The following C1GALT1 variants were observed in gnomAD, a reference collection of about 807,000 sequenced individuals.
C1GALT1 encodes core 1 synthase, glycoprotein-N-acetylgalactosamine 3-beta-galactosyltransferase 1, also known as glycoprotein-N-acetylgalactosamine 3-beta-galactosyltransferase 1.
In C1GALT1, 11 loss-of-function variants were observed where a neutral mutation model predicts 31.0. The observed-to-expected ratio is 0.36, with a 90% CI of 0.22 to 0.59. C1GALT1 has a LOEUF of 0.59. Among genes scored for constraint, C1GALT1 ranks in the 20% least tolerant of loss-of-function variants. The pLI, the probability that C1GALT1 is intolerant of heterozygous loss-of-function variation, is 0.79. For synonymous variants in C1GALT1, 175 were observed against 143.6 expected (o/e 1.22, Z -1.56); for missense variants, 424 against 425.2 (o/e 1.00, Z 0.03).
At chr7:7,186,114 G>A (rs967452561) in intron 1 of C1GALT1, among the ~76,000 whole-genome samples, 1 of 151,746 alleles carries the variant, frequency 6.6e-6, no homozygotes, top group East Asian at 2.0e-4. Context: ...GCACCACATG[G>A]TGAGGGGGCC....
At chr7:7,203,826 G>C (rs368770833) in intron 1 of C1GALT1, among the ~76,000 whole-genome samples, 1 of 151,870 alleles carries the variant, frequency 6.6e-6, no homozygotes, top group Non-Finnish European at 1.5e-5. Context: ...GGAACATTCA[G>C]TATCCTCCTC....
chr7:7,229,641 C>G (rs1782972828), intron 1 of C1GALT1, among the ~76,000 whole-genome samples: 1 of 152,042 alleles, frequency 6.6e-6, no homozygotes, highest in Non-Finnish European at 1.5e-5. Flanking sequence ...TGAACTGGTC[C>G]TCAGACAATC....
At chr7:7,228,326 C>T (rs1335463598) in intron 1 of C1GALT1, among the ~76,000 whole-genome samples, 1 of 152,056 alleles carries the variant, frequency 6.6e-6, no homozygotes, top group Non-Finnish European at 1.5e-5. Context: ...TCTTTTGTAT[C>T]TGAAACCTCA....
At chr7:7,232,399 AG>A (rs1783119967) in intron 1 of C1GALT1, among the ~76,000 whole-genome samples, 1 of 152,144 alleles carries the variant, frequency 6.6e-6, no homozygotes, top group Non-Finnish European at 1.5e-5. Flanking sequence ...TATATTTCCC[AG>A]ACCTCTACTT....
chr7:7,211,948 C>T (rs1782026094), intron 1 of C1GALT1, among the ~76,000 whole-genome samples: 1 of 152,114 alleles, frequency 6.6e-6, no homozygotes, highest in Non-Finnish European at 1.5e-5. Flanking sequence ...AGCTTTGGAG[C>T]AAAATTTTCT....
intron 1 of C1GALT1, among the ~76,000 whole-genome samples, chr7:7,224,879 T>TGTATTTAAGTGTATTAAGC (rs1215607802): frequency 1.3e-5 from 2 of 150,146 alleles, no homozygotes; most frequent in African/African-American, 2.5e-5. Context: ...GTGTATTAAG[T>TGTATTTAAGTGTATTAAGC]GTATTTAAGT....
chr7:7,225,404 TG>T (rs1782715050), intron 1 of C1GALT1, among the ~76,000 whole-genome samples: 1 of 152,238 alleles, frequency 6.6e-6, no homozygotes, highest in East Asian at 1.9e-4. Context: ...GCTGTGTATT[TG>T]AAAATAATTT....
chr7:7,231,779 T>C (rs1447502228), intron 1 of C1GALT1, among the ~76,000 whole-genome samples: 1 of 152,020 alleles, frequency 6.6e-6, no homozygotes, highest in Non-Finnish European at 1.5e-5. Flanking sequence ...ATTTTGTCCA[T>C]GTTGTATACC....
chr7:7,204,781 T>C (rs571681181), intron 1 of C1GALT1, among the ~76,000 whole-genome samples: 155 of 152,294 alleles, frequency 1.0e-3, no homozygotes, highest in Admixed American at 1.9e-3. Flanking sequence ...TTCTAATTAC[T>C]CTTGTGATTG....
At chr7:7,217,306 G>A (rs548405604) in intron 1 of C1GALT1, among the ~76,000 whole-genome samples, 93 of 152,224 alleles carry the variant, frequency 6.1e-4, no homozygotes, top group African/African-American at 2.1e-3. Flanking sequence ...ATACAGAGCC[G>A]GGGAGCTGAG....
At chr7:7,228,939 A>G (rs1416442974) in intron 1 of C1GALT1, among the ~76,000 whole-genome samples, 5 of 152,122 alleles carry the variant, frequency 3.3e-5, no homozygotes, top group South Asian at 2.1e-4. Flanking sequence ...TTTGTGTTAT[A>G]GAAGTAGGCT....
At chr7:7,183,062 ATT>A in intron 1 of C1GALT1, among the ~76,000 whole-genome samples, 1 of 152,088 alleles carries the variant, frequency 6.6e-6, no homozygotes, top group Non-Finnish European at 1.5e-5. Context: ...CCCGGCCTCA[ATT>A]TTGTGGACAT....
chr7:7,194,633 C>CT (rs367948267), intron 1 of C1GALT1, among the ~76,000 whole-genome samples: 16 of 151,152 alleles, frequency 1.1e-4, no homozygotes, highest in South Asian at 6.3e-4. Context: ...CTGTAGTTTT[C>CT]TTTTTTTTTG....
chr7:7,201,565 C>T (rs1475702347), intron 1 of C1GALT1, among the ~76,000 whole-genome samples: 3 of 152,208 alleles, frequency 2.0e-5, no homozygotes, highest in African/African-American at 7.2e-5. Context: ...GCAGAAGTTA[C>T]TGCTGCCTTT....
chr7:7,180,911 A>C (rs1445063151), upstream of C1GALT1, among the ~76,000 whole-genome samples: 1 of 34,232 alleles, frequency 2.9e-5, no homozygotes, highest in Non-Finnish European at 5.7e-5. Flanking sequence ...ATATCTCTTC[A>C]AAAAAAAAAA....
At position 7,193,919 on chromosome 7, in the gene C1GALT1, A is replaced by AT. The variant is rs113808427; in HGVS notation, c.-18+11109dup. Among the ~76,000 whole-genome samples, 331 of 146,368 alleles carry AT rather than the reference A, an allele frequency of 2.3e-3. 2 individuals are homozygous for AT. The highest frequency in any genetic ancestry group is 0.01 in the Middle Eastern group (3 of 288). On this transcript the variant is annotated intron_variant, in intron 1 of 3. Coordinates refer to ENST00000436587, the MANE Select transcript of C1GALT1 (RefSeq NM_020156.5). ...CCTTAGGTATATTCCTAAGTATTTT[A>AT]TTTTTTTTTTGCAGACATAGTAAAA...
intron 1 of C1GALT1, among the ~76,000 whole-genome samples, chr7:7,214,391 C>G (rs1389277557): frequency 6.6e-6 from 1 of 152,148 alleles, no homozygotes; most frequent in Non-Finnish European, 1.5e-5. Flanking sequence ...ATTCAGTCGA[C>G]TGAGGAGAGC....
At chr7:7,197,268 AG>A (rs1316873275) in intron 1 of C1GALT1, among the ~76,000 whole-genome samples, 2 of 150,044 alleles carry the variant, frequency 1.3e-5, no homozygotes, top group Non-Finnish European at 3.0e-5. Flanking sequence ...ATGGCTAGCC[AG>A]TTTTCCCAGC....
chr7:7,199,388 C>G (rs1454836967), intron 1 of C1GALT1, among the ~76,000 whole-genome samples: 3 of 151,574 alleles, frequency 2.0e-5, no homozygotes, highest in African/African-American at 4.9e-5. Flanking sequence ...TTTGATCGCA[C>G]TGTGGTCTGA....
Sources: gnomAD v4.1 joint callset for allele counts (sites outside exome capture counted in the v4.1 genomes callset) on GRCh38, gnomAD v4.1.1 for gene constraint, MANE v1.5 for transcripts, NCBI Gene and HGNC (gene_info 2026-07-23, HGNC 2026-07-21) for gene names.